NEDD4L: variants seen among roughly 807,000 people sequenced by gnomAD.
The protein encoded by NEDD4L is NEDD4 like E3 ubiquitin protein ligase.
Under a neutral mutation model 148.9 loss-of-function variants are expected in NEDD4L, and 54 were observed. The ratio of observed to expected loss-of-function variants is 0.36; its 90% confidence interval spans 0.29 to 0.45. The LOEUF is 0.45. Ranked by LOEUF, NEDD4L falls within the 20% of genes least tolerant of loss-of-function variation. The pLI, the probability that NEDD4L is intolerant of heterozygous loss-of-function variation, is 1.00. For missense variants in NEDD4L, 856 were observed against 1,233.8 expected, an observed-to-expected ratio of 0.69 and a Z score of 4.59; for synonymous variants, 433 against 440.7, an observed-to-expected ratio of 0.98 and a Z score of 0.22.
chr18:58,242,468 G>A (rs1379441750), intron 2 of NEDD4L, among the ~76,000 whole-genome samples: 1 of 151,998 alleles, frequency 6.6e-6, no homozygotes, highest in African/African-American at 2.4e-5. Context: ...CTGGGCACCC[G>A]TTCTCCCCCT....
intron 2 of NEDD4L, among the ~76,000 whole-genome samples, chr18:58,189,200 G>T (rs1229116538): frequency 6.6e-6 from 1 of 152,070 alleles, no homozygotes; most frequent in Non-Finnish European, 1.5e-5. Context: ...CTTTCTCTCT[G>T]TCTGCTAAGC....
chr18:58,182,692 G>A (rs933185997), intron 2 of NEDD4L, among the ~76,000 whole-genome samples: 6 of 152,026 alleles, frequency 3.9e-5, no homozygotes, highest in African/African-American at 1.4e-4. Context: ...ATGTTGCCCA[G>A]AGTGGTCTCA....
Position 58,118,706 on chromosome 18 carries a change from T to G in NEDD4L, c.49-47082T>G, listed in dbSNP as rs557170714. ...AATCTTTGAAGATGTCCTGAAATAC[T>G]TACCAAATCACTAGAGCGAAGAGAA... is the stretch of plus-strand genomic sequence containing the variant. On this transcript the variant is annotated intron_variant, in intron 1 of 30. Coordinates refer to ENST00000400345, the MANE Select transcript of NEDD4L (RefSeq NM_001144967.3). Among the ~76,000 whole-genome samples the G allele has an allele frequency of 3.3e-5, 5 of 152,226 alleles. No homozygotes were observed. The East Asian group carries it at 7.7e-4, about 24-fold the overall frequency.
chr18:58,138,922 G>T (rs1025728963), intron 1 of NEDD4L, among the ~76,000 whole-genome samples: 1 of 152,178 alleles, frequency 6.6e-6, no homozygotes, highest in Non-Finnish European at 1.5e-5. Flanking sequence ...CCCTGACAGG[G>T]TTAGGCACTG....
At chr18:58,078,180 G>A (rs763386294) in intron 1 of NEDD4L, among the ~76,000 whole-genome samples, 24 of 152,088 alleles carry the variant, frequency 1.6e-4, no homozygotes, top group Non-Finnish European at 2.2e-4. Flanking sequence ...CCTGGTTTCC[G>A]TCAAATACAG....
chr18:58,385,160 G>C (rs1266115472), intron 25 of NEDD4L, among the ~76,000 whole-genome samples: 1 of 152,176 alleles, frequency 6.6e-6, no homozygotes, highest in Non-Finnish European at 1.5e-5. Flanking sequence ...TCTTATACAT[G>C]TATACCTGTG....
rs1415067492 is a variant in NEDD4L, at chr18:58,044,387, G to A, written c.-274G>A. 1.8e-5 allele frequency: 4 copies of A among 216,768 alleles called. No individual in the cohort carries two copies. Among genetic ancestry groups the A allele is most frequent in the Admixed American group, 1.2e-4 (2 of 16,914 alleles). 13.4% of individuals were successfully genotyped at this position (216,768 alleles called of 1,614,324 possible). A position where few individuals can be genotyped will look rare whatever the true frequency, so the allele number is the denominator to read the frequency against. On this transcript the variant is annotated 5_prime_UTR_variant, in exon 1 of 31. Coordinates refer to ENST00000400345, the MANE Select transcript of NEDD4L (RefSeq NM_001144967.3). Reference sequence around the variant, plus strand: ...GGTCTGCGCCGCCGCCGCGCGCAGTGAGAGGCGCCGGGGCTGCCGCCCGGT... The same window carrying A: ...GGTCTGCGCCGCCGCCGCGCGCAGTAAGAGGCGCCGGGGCTGCCGCCCGGT...
chr18:58,096,876 C>G (rs183404150), intron 1 of NEDD4L, among the ~76,000 whole-genome samples: 1 of 152,162 alleles, frequency 6.6e-6, no homozygotes, highest in Non-Finnish European at 1.5e-5. Context: ...AATGTGAAAT[C>G]CTTTCAGCCT....
chr18:58,266,652 T>C (rs778240677), intron 5 of NEDD4L, among the ~76,000 whole-genome samples: 1 of 152,184 alleles, frequency 6.6e-6, no homozygotes, highest in Non-Finnish European at 1.5e-5. Context: ...TTCTTCATTA[T>C]GCTGTTGTGT....
At chr18:58,269,812 A>G (rs759438839) in intron 5 of NEDD4L, among the ~76,000 whole-genome samples, 3 of 150,132 alleles carry the variant, frequency 2.0e-5, no homozygotes, top group African/African-American at 2.4e-5. Context: ...CCAAATCTAT[A>G]TTGTGTTCAC....
At chr18:58,223,225 T>C (rs1304874693) in intron 2 of NEDD4L, among the ~76,000 whole-genome samples, 2 of 152,174 alleles carry the variant, frequency 1.3e-5, no homozygotes, top group Non-Finnish European at 2.9e-5. Context: ...CCTATTGTTT[T>C]TATGAAAATT....
intron 1 of NEDD4L, among the ~76,000 whole-genome samples, chr18:58,095,143 TC>T (rs2084309418): frequency 6.6e-6 from 1 of 152,202 alleles, no homozygotes; most frequent in African/African-American, 2.4e-5. Flanking sequence ...CTATGTTCTT[TC>T]CTTCCACTCC....
At chr18:58,121,278 G>A (rs2086224265) in intron 1 of NEDD4L, among the ~76,000 whole-genome samples, 2 of 152,144 alleles carry the variant, frequency 1.3e-5, no homozygotes, top group South Asian at 4.1e-4. Flanking sequence ...CCCTGTTGGA[G>A]CAAATTACTC....
intron 1 of NEDD4L, among the ~76,000 whole-genome samples, chr18:58,050,035 A>G (rs1406548229): frequency 6.6e-6 from 1 of 150,706 alleles, no homozygotes; most frequent in Non-Finnish European, 1.5e-5. Flanking sequence ...TCAATGATGT[A>G]GTGTCTGTGG....
chr18:58,138,003 G>A (rs1004674958), intron 1 of NEDD4L, among the ~76,000 whole-genome samples: 3 of 152,154 alleles, frequency 2.0e-5, no homozygotes, highest in Non-Finnish European at 2.9e-5. Flanking sequence ...GCCCAGAGCC[G>A]TCCAGGTGGT....
intron 5 of NEDD4L, among the ~76,000 whole-genome samples, chr18:58,290,292 T>C (rs953198581): frequency 3.4e-4 from 52 of 152,260 alleles, no homozygotes; most frequent in African/African-American, 1.2e-3. Context: ...GCTAATCTTA[T>C]TAAAGTGCAA....
At chr18:58,281,185 C>G (rs1333272146) in intron 5 of NEDD4L, among the ~76,000 whole-genome samples, 1 of 152,070 alleles carries the variant, frequency 6.6e-6, no homozygotes, top group Non-Finnish European at 1.5e-5. Context: ...ACTATGTTGC[C>G]CAAGCAGATC....
In NEDD4L at chr18:58,111,957, G is replaced by A. The variant is rs28532065; in HGVS notation, c.49-53831G>A. On this transcript the variant is annotated intron_variant, in intron 1 of 30. Coordinates refer to ENST00000400345, the MANE Select transcript of NEDD4L (RefSeq NM_001144967.3). ...GCATCCTCAACAACACGTGTTGTCT[G>A]TCCAGTGATAGCCATCCTACTGGGT... 7.8e-3 allele frequency among the ~76,000 whole-genome samples: 1,185 copies of A among 152,260 alleles called. 14 individuals carry two copies. Among genetic ancestry groups the A allele is most frequent in the African/African-American group, 0.026 (1,071 of 41,528 alleles).
At chr18:58,119,879 G>A (rs1405940861) in intron 1 of NEDD4L, among the ~76,000 whole-genome samples, 2 of 152,302 alleles carry the variant, frequency 1.3e-5, no homozygotes, top group South Asian at 2.1e-4. Flanking sequence ...AGCTGCCCGG[G>A]TGGTTCTCAT....
Sources: gnomAD v4.1 joint callset for allele counts (sites outside exome capture counted in the v4.1 genomes callset) on GRCh38, gnomAD v4.1.1 for gene constraint, MANE v1.5 for transcripts, NCBI Gene and HGNC (gene_info 2026-07-23, HGNC 2026-07-21) for gene names.